CAMK4: variants seen among roughly 807,000 people sequenced by gnomAD.
CAMK4 encodes the protein calcium/calmodulin dependent protein kinase IV.
A neutral mutation model predicts 44.9 loss-of-function variants in CAMK4; 22 were observed. The observed-to-expected ratio is 0.49, with a 90% CI of 0.35 to 0.70. CAMK4 has a LOEUF of 0.70. CAMK4 is among the 30% of genes least tolerant of loss of function. The pLI, the probability that CAMK4 is intolerant of heterozygous loss-of-function variation, is 0.01. For missense variants in CAMK4, 498 were observed against 586.8 expected (o/e 0.85, Z 1.56); for synonymous variants, 218 against 215.4 (o/e 1.01, Z -0.11).
intron 1 of CAMK4, among the ~76,000 whole-genome samples, chr5:111,311,818 G>A (rs1022043243): frequency 2.6e-5 from 4 of 152,132 alleles, no homozygotes; most frequent in African/African-American, 9.7e-5. Flanking sequence ...CATTCCAGTA[G>A]AGAATCAATA....
At chr5:111,405,760 C>A (rs1752402254) in intron 5 of CAMK4, among the ~76,000 whole-genome samples, 2 of 152,114 alleles carry the variant, frequency 1.3e-5, no homozygotes, top group Non-Finnish European at 2.9e-5. Context: ...AAGACCATCA[C>A]CCTGATGGCA....
chr5:111,397,374 C>T (rs909541850), intron 5 of CAMK4, among the ~76,000 whole-genome samples: 1 of 152,206 alleles, frequency 6.6e-6, no homozygotes, highest in Non-Finnish European at 1.5e-5. Flanking sequence ...CAACTTCATA[C>T]TCAGCACATT....
chr5:111,352,548 T>C (rs534608), intron 2 of CAMK4, among the ~76,000 whole-genome samples: 139,153 of 151,760 alleles, frequency 0.92, 63,909 homozygotes, highest in East Asian at 1. Context: ...AATTTACTGG[T>C]TCAGTTCTGG....
intron 5 of CAMK4, among the ~76,000 whole-genome samples, chr5:111,442,935 G>T (rs564465700): frequency 2.1e-4 from 32 of 149,846 alleles, no homozygotes; most frequent in Admixed American, 1.6e-3. Flanking sequence ...AGTAAGTCTT[G>T]CTTGATGTAA....
chr5:111,332,120 T>C (rs548171307), intron 1 of CAMK4, among the ~76,000 whole-genome samples: 12 of 151,812 alleles, frequency 7.9e-5, no homozygotes, highest in Admixed American at 7.2e-4. Context: ...AGGGTATATG[T>C]GCACAATGTG....
At chr5:111,275,409 A>G (rs1016590151) in intron 1 of CAMK4, among the ~76,000 whole-genome samples, 3 of 152,116 alleles carry the variant, frequency 2.0e-5, no homozygotes, top group African/African-American at 7.2e-5. Context: ...AAAAATTACA[A>G]TGCATACTTA....
intron 7 of CAMK4, among the ~76,000 whole-genome samples, chr5:111,464,636 A>G (rs1754760056): frequency 6.6e-6 from 1 of 152,142 alleles, no homozygotes; most frequent in South Asian, 2.1e-4. Flanking sequence ...CCCAGAAGTT[A>G]AGGATTACCG....
intron 1 of CAMK4, among the ~76,000 whole-genome samples, chr5:111,291,695 G>A (rs56401716): frequency 0.026 from 3,997 of 151,990 alleles, 166 homozygotes; most frequent in African/African-American, 0.091. Context: ...TTTTTTTTGT[G>A]GAGATGGGGT....
At position 111,224,617 on chromosome 5, in the gene CAMK4, T is replaced by C. The variant is rs1748085466; in HGVS notation, c.134T>C (p.Phe45Ser). 1.2e-6 allele frequency: 2 copies of C among 1,611,106 alleles called. No individual in the cohort carries two copies. Among genetic ancestry groups the C allele is most frequent in the East Asian group, 2.2e-5 (1 of 44,652 alleles). Residue 45 changes from phenylalanine to serine, a missense_variant, in exon 1 of 11, where the codon TTC becomes TCC. Coordinates refer to ENST00000282356, the MANE Select transcript of CAMK4 (RefSeq NM_001744.6). This position sits in a 1 kb window ranked among gnomAD's most constrained non-coding sequence, Gnocchi z 5.7. The stretch of plus-strand genomic sequence containing the variant: ...TCCAACAGGGATGCGCTGAGCGATT[T>C]CTTCGAGGTGGAGTCGGAGCTGGGA... ...DGSNRDALSD[F>S]FEVESELGRG...
At chr5:111,459,104 C>CGGTA (rs1014072885) in intron 7 of CAMK4, among the ~76,000 whole-genome samples, 5 of 152,048 alleles carry the variant, frequency 3.3e-5, no homozygotes, top group African/African-American at 7.2e-5. Flanking sequence ...AGCATATAGA[C>CGGTA]GGTATTTCAA....
intron 5 of CAMK4, among the ~76,000 whole-genome samples, chr5:111,428,829 A>G (rs1753326294): frequency 6.6e-6 from 1 of 152,240 alleles, no homozygotes; most frequent in African/African-American, 2.4e-5. Context: ...AGAGAAAGAT[A>G]TCAATATCCA....
intron 5 of CAMK4, among the ~76,000 whole-genome samples, chr5:111,399,111 A>T (rs1752128991): frequency 6.6e-6 from 1 of 152,144 alleles, no homozygotes; most frequent in African/African-American, 2.4e-5. Context: ...ATGCCTTAAC[A>T]TATCGTAGGA....
chr5:111,440,713 T>G (rs1753793473), intron 5 of CAMK4, among the ~76,000 whole-genome samples: 1 of 150,914 alleles, frequency 6.6e-6, no homozygotes, highest in Non-Finnish European at 1.5e-5. Context: ...CTCAGCTATT[T>G]ACTGTAATTG....
chr5:111,451,485 G>A (rs139465280), intron 7 of CAMK4, among the ~76,000 whole-genome samples: 500 of 152,062 alleles, frequency 3.3e-3, no homozygotes, highest in African/African-American at 9.9e-3. Flanking sequence ...ATGGGGTTTC[G>A]CTATGTTGGC....
chr5:111,311,253 A>C (rs1748190465), intron 1 of CAMK4, among the ~76,000 whole-genome samples: 1 of 152,136 alleles, frequency 6.6e-6, no homozygotes, highest in African/African-American at 2.4e-5. Flanking sequence ...TCTTCCTTAG[A>C]TTTTCTAAAA....
intron 5 of CAMK4, among the ~76,000 whole-genome samples, chr5:111,428,789 A>T (rs2112933970): frequency 6.6e-6 from 1 of 152,328 alleles, no homozygotes; most frequent in East Asian, 1.9e-4. Context: ...TATGGGTAGA[A>T]AGTTTAATAA....
Position 111,374,871 on chromosome 5 carries a change from A to T in CAMK4, c.262A>T (p.Thr88Ser). 6.2e-7 allele frequency: 1 copy of T among 1,611,886 alleles called. No homozygotes were observed. The highest frequency in any genetic ancestry group is 8.5e-7 in the Non-Finnish European group (1 of 1,178,322). ...KKTVDKKIVR[T>S]EIGVLLRLSH... ...TTAGGTGGACAAAAAAATCGTAAGA[A>T]CTGAGATAGGAGTTCTTCTTCGCCT... Residue 88 changes from threonine (T) to serine (S), a missense_variant, in exon 3 of 11, where the codon ACT (threonine) becomes TCT (serine). This residue lies in a region of CAMK4 where 152 missense variants were observed against 143.7 expected (regional missense o/e 1.06). Coordinates refer to ENST00000282356, the MANE Select transcript of CAMK4 (RefSeq NM_001744.6).
chr5:111,242,740 A>G (rs915398286), intron 1 of CAMK4, among the ~76,000 whole-genome samples: 4 of 152,100 alleles, frequency 2.6e-5, no homozygotes, highest in Admixed American at 6.5e-5. Context: ...CTCCAGCCCT[A>G]CAGCTATTTT....
intron 2 of CAMK4, among the ~76,000 whole-genome samples, chr5:111,373,620 T>C (rs1344380737): frequency 6.6e-6 from 1 of 152,112 alleles, no homozygotes; most frequent in Non-Finnish European, 1.5e-5. Flanking sequence ...TGCGCTTGGA[T>C]TTCTCCTGAG....
Sources: allele counts gnomAD v4.1 joint callset (sites outside exome capture counted in the v4.1 genomes callset), GRCh38; gene constraint gnomAD v4.1.1; regional missense constraint gnomAD v4.1.1; non-coding constraint Gnocchi (gnomAD v3.1); transcripts MANE v1.5; gene names NCBI Gene and HGNC (gene_info 2026-07-23, HGNC 2026-07-21).